Variants in ARIH1 observed in about 807,000 individuals in gnomAD.
The protein encoded by ARIH1 is ariadne RBR E3 ubiquitin protein ligase 1, also known as E3 ubiquitin-protein ligase ARIH1.
Under a neutral mutation model 85.0 loss-of-function variants are expected in ARIH1, and 8 were observed. That is an observed-to-expected ratio of 0.09 (90% CI 0.06 to 0.17). The LOEUF is 0.17. Among genes scored for constraint, ARIH1 ranks in the 10% least tolerant of loss-of-function variants. The pLI, the probability that ARIH1 is intolerant of heterozygous loss-of-function variation, is 1.00. For synonymous variants in ARIH1, 238 were observed against 253.6 expected (o/e 0.94, Z 0.59); for missense variants, 311 against 718.1 (o/e 0.43, Z 6.48).
chr15:72,599,790 G>A lies in ARIH1; in HGVS notation c.*16498G>A, dbSNP rs890659406. 6.6e-6 allele frequency: 1 copy of A among 152,216 alleles called. No homozygotes were observed. 9.4% of individuals were successfully genotyped at this position (152,216 alleles called of 1,614,324 possible). A position where few individuals can be genotyped will look rare whatever the true frequency, so the allele number is the denominator to read the frequency against. ...TTAGTTTATTTAAACAGTTACTGGT[G>A]ATGGACATTTCCATGTTTCCAGTAT... On this transcript the variant is annotated 3_prime_UTR_variant, in exon 14 of 14. Transcript: ENST00000379887.
At position 72,599,820 on chromosome 15, in the gene ARIH1, T is replaced by TC. The variant is rs1438154718; in HGVS notation, c.*16529dup. ...ACATTTCCATGTTTCCAGTATTTTTTCTCACAAACAATGCAGTATTATGCC... is the reference window on the plus strand; with the variant it reads ...ACATTTCCATGTTTCCAGTATTTTTTCCTCACAAACAATGCAGTATTATGCC... On this transcript the variant is annotated 3_prime_UTR_variant, in exon 14 of 14. Transcript: ENST00000379887. 1 of 152,262 alleles carries TC rather than the reference T, an allele frequency of 6.6e-6. No individual in the cohort carries two copies. Among genetic ancestry groups the TC allele is most frequent in the Non-Finnish European group, 1.5e-5 (1 of 68,054 alleles). 9.4% of individuals were successfully genotyped at this position (152,262 alleles called of 1,614,324 possible). A position where few individuals can be genotyped will look rare whatever the true frequency, so the allele number is the denominator to read the frequency against.
intron 1 of ARIH1, among the ~76,000 whole-genome samples, chr15:72,512,811 T>A (rs939171591): frequency 1.8e-4 from 28 of 152,254 alleles, no homozygotes; most frequent in African/African-American, 6.5e-4. Context: ...GTAGGCTGTC[T>A]ACATATTCAG....
In ARIH1 at chr15:72,508,870, T is replaced by C. The variant is rs551323403; in HGVS notation, c.376-9197T>C. Among the ~76,000 whole-genome samples, 89 of 152,022 alleles carry C rather than the reference T, an allele frequency of 5.9e-4. 2 individuals are homozygous for C. In the South Asian group the frequency reaches 0.018, roughly 32 times the overall value. The stretch of plus-strand genomic sequence containing the variant: ...CACCATGCCCGGCTAATTTTTGTAT[T>C]TTTAGTAGAGATGAGGTTTCACCAT... On this transcript the variant is annotated intron_variant, in intron 1 of 13. Coordinates refer to ENST00000379887, the MANE Select transcript of ARIH1 (RefSeq NM_005744.5).
At chr15:72,555,409 GTGT>G (rs1253584409) in intron 4 of ARIH1, 46 bp downstream of exon 4, 2 of 1,392,342 alleles carry the variant, frequency 1.4e-6, no homozygotes, top group Non-Finnish European at 2.0e-6. Flanking sequence ...ATTTCCTATA[GTGT>G]TAAGACCCTT....
chr15:72,552,312 G>A (rs954594133), intron 3 of ARIH1, among the ~76,000 whole-genome samples: 7 of 152,088 alleles, frequency 4.6e-5, no homozygotes, highest in African/African-American at 9.7e-5. Context: ...TTTTTAAGAC[G>A]GAGTCTTGCC....
intron 3 of ARIH1, among the ~76,000 whole-genome samples, chr15:72,551,778 C>A (rs1235914479): frequency 5.9e-5 from 9 of 151,990 alleles, no homozygotes; most frequent in Non-Finnish European, 4.4e-5. Flanking sequence ...AAGTAAAAAG[C>A]CTCCGTAAAT....
At chr15:72,530,287 A>G (rs556901884) in intron 2 of ARIH1, among the ~76,000 whole-genome samples, 5 of 152,326 alleles carry the variant, frequency 3.3e-5, no homozygotes, top group East Asian at 1.9e-4. Flanking sequence ...ATCAAGGGAA[A>G]TTTAGAGAAA....
intron 11 of ARIH1, among the ~76,000 whole-genome samples, chr15:72,577,196 G>A (rs2064275544): frequency 1.3e-5 from 2 of 151,546 alleles, no homozygotes; most frequent in Non-Finnish European, 2.9e-5. Context: ...TGTTGGTCAG[G>A]CTGGTCTTGA....
At chr15:72,528,184 C>G (rs1179042382) in intron 2 of ARIH1, among the ~76,000 whole-genome samples, 7 of 151,998 alleles carry the variant, frequency 4.6e-5, no homozygotes, top group African/African-American at 1.7e-4. Flanking sequence ...AGGGTAAATG[C>G]TAATGAATTA....
chr15:72,485,577 T>C (rs1173228779), intron 1 of ARIH1, among the ~76,000 whole-genome samples: 1 of 152,218 alleles, frequency 6.6e-6, no homozygotes, highest in Non-Finnish European at 1.5e-5. Flanking sequence ...CTTTCACTCA[T>C]TGTTCTTAGT....
At chr15:72,569,154 C>A (rs1361744480) in intron 9 of ARIH1, among the ~76,000 whole-genome samples, 2 of 151,978 alleles carry the variant, frequency 1.3e-5, no homozygotes, top group African/African-American at 4.8e-5. Context: ...ACAAAAAATT[C>A]AAAAATTAGC....
chr15:72,494,483 G>A (rs2063871843), intron 1 of ARIH1, among the ~76,000 whole-genome samples: 1 of 152,130 alleles, frequency 6.6e-6, no homozygotes, highest in Non-Finnish European at 1.5e-5. Flanking sequence ...TGAACAATAA[G>A]GAATTGAATA....
rs1380707184 is a variant in ARIH1 at position 72,588,373 on chromosome 15, C to A, written c.*5081C>A. ...CTTAAACTTGACTGCGAATTGGAAT[C>A]ACTGAGAAGCTTTAAAAAATATTAG... On this transcript the variant is annotated 3_prime_UTR_variant, in exon 14 of 14. Transcript: ENST00000379887. 1.3e-5 allele frequency: 2 copies of A among 152,170 alleles called. No individual in the cohort carries two copies. The highest frequency in any genetic ancestry group is 2.9e-5 in the Non-Finnish European group (2 of 68,038). The allele number at this position is 152,170 out of a possible 1,614,324, so 9.4% of individuals were successfully genotyped here.
intron 9 of ARIH1, among the ~76,000 whole-genome samples, chr15:72,568,208 A>G (rs570119708): frequency 6.6e-6 from 1 of 152,308 alleles, no homozygotes; most frequent in East Asian, 1.9e-4. Context: ...AGAAAACCTT[A>G]CTATAAATAT....
chr15:72,556,763 CATCTT>C, intron 5 of ARIH1, among the ~76,000 whole-genome samples: 1 of 152,300 alleles, frequency 6.6e-6, no homozygotes, highest in Non-Finnish European at 1.5e-5. Context: ...CTTTTATTCT[CATCTT>C]CATGTGTACT....
At chr15:72,544,689 A>C (rs909463017) in intron 2 of ARIH1, 131 bp from the exon 3 acceptor site, 6 of 813,678 alleles carry the variant, frequency 7.4e-6, no homozygotes, top group Middle Eastern at 3.8e-4. Context: ...ATTTCCTCTG[A>C]ATAAAAAGGT....
intron 11 of ARIH1, chr15:72,580,512 A>G (rs1235658967): frequency 5.7e-6 from 3 of 523,030 alleles, no homozygotes; most frequent in Non-Finnish European, 3.3e-6. Flanking sequence ...TCCCCATACC[A>G]TTTTCCATAA....
intron 5 of ARIH1, among the ~76,000 whole-genome samples, chr15:72,559,828 A>G (rs761896239): frequency 6.6e-6 from 1 of 152,172 alleles, no homozygotes; most frequent in East Asian, 1.9e-4. Flanking sequence ...AATGTTTTCA[A>G]GATTCATCCA....
intron 2 of ARIH1, among the ~76,000 whole-genome samples, chr15:72,519,270 C>T (rs904116655): frequency 6.6e-5 from 10 of 150,940 alleles, no homozygotes; most frequent in African/African-American, 1.2e-4. Flanking sequence ...TAAATAATAC[C>T]GAGAATATCA....
Sources: gnomAD v4.1 joint callset for allele counts (sites outside exome capture counted in the v4.1 genomes callset) on GRCh38, gnomAD v4.1.1 for gene constraint, MANE v1.5 for transcripts, NCBI Gene and HGNC (gene_info 2026-07-23, HGNC 2026-07-21) for gene names.